BBS2: variants seen among roughly 807,000 people sequenced by gnomAD.
BBS2 encodes Bardet-Biedl syndrome 2, also known as BBSome complex member BBS2.
BBS2 carries 62 observed loss-of-function variants against 83.0 expected under a neutral mutation model. That is an observed-to-expected ratio of 0.75 (90% CI 0.61 to 0.92). BBS2 has a LOEUF of 0.92. Ranked by LOEUF, BBS2 falls within the 40% of genes least tolerant of loss-of-function variation. The pLI is 0.00. For synonymous variants in BBS2, 303 were observed against 326.1 expected, an observed-to-expected ratio of 0.93 and a Z score of 0.76; for missense variants, 784 against 901.0, an observed-to-expected ratio of 0.87 and a Z score of 1.66.
At chr16:56,473,844 T>C (rs539596792) in intron 17 of BBS2, among the ~76,000 whole-genome samples, 14 of 152,200 alleles carry the variant, frequency 9.2e-5, no homozygotes, top group African/African-American at 3.4e-4. Flanking sequence ...TCTCGCTCTG[T>C]CACCCAGGCT....
intron 5 of BBS2, among the ~76,000 whole-genome samples, chr16:56,508,423 C>G (rs1964483677): frequency 6.6e-6 from 1 of 152,188 alleles, no homozygotes; most frequent in African/African-American, 2.4e-5. Context: ...TGGTTTCTTT[C>G]TGTCCACTTA....
At chr16:56,500,081 T>G in intron 11 of BBS2, 174 bp from the exon 12 acceptor site, 4 of 686,236 alleles carry the variant, frequency 5.8e-6, no homozygotes, top group Non-Finnish European at 9.9e-6. Context: ...TATATTAGGT[T>G]TGGGATTTAA....
chr16:56,502,828 T>C lies in BBS2; in HGVS notation c.805-20A>G, dbSNP rs41280892. On this transcript the variant is annotated intron_variant, in intron 7 of 16. Transcript: ENST00000245157. ...ATCAACCTACAAATAAAACACAAAT[T>C]TAAAAGTTGCTTATGCTACATGTTT... The C allele has an allele frequency of 5.7e-3, 9,132 of 1,613,894 alleles. 45 individuals are homozygous for C. Among genetic ancestry groups the C allele is most frequent in the Non-Finnish European group, 6.2e-3 (7,329 of 1,179,916 alleles).
At chr16:56,494,785 A>G (rs2144123603) in intron 15 of BBS2, among the ~76,000 whole-genome samples, 1 of 152,124 alleles carries the variant, frequency 6.6e-6, no homozygotes, top group East Asian at 1.9e-4. Flanking sequence ...ACACGGTGAA[A>G]CCCTGTCTCT....
chr16:56,501,503 A>G lies in BBS2; in HGVS notation c.1081-6T>C, dbSNP rs1463889061. On this transcript the variant is annotated splice_polypyrimidine_tract_variant and splice_region_variant and intron_variant, in intron 9 of 16. Transcript: ENST00000245157. ...AGTGGACTGGCCAATTCAGCCTGCA[A>G]AACACCCCACCCATTTCCTACTCAG... is the stretch of plus-strand genomic sequence containing the variant. The G allele has an allele frequency of 1.9e-6, 3 of 1,614,024 alleles. No homozygotes were observed. Among genetic ancestry groups the G allele is most frequent in the South Asian group, 2.2e-5 (2 of 91,084 alleles).
intron 17 of BBS2, chr16:56,475,943 A>T: frequency 9.1e-7 from 1 of 1,101,830 alleles, no homozygotes; most frequent in Non-Finnish European, 1.3e-6. Context: ...CTATCCCCAG[A>T]TTAAGTGCTT....
intron 11 of BBS2, 146 bp from the exon 12 acceptor site, chr16:56,500,053 G>T: frequency 2.3e-6 from 2 of 869,984 alleles, no homozygotes; most frequent in Non-Finnish European, 3.7e-6. Flanking sequence ...ACACTTGAGG[G>T]TTAAAGTACT....
chr16:56,500,275 T>G, intron 11 of BBS2: 1 of 259,176 alleles, frequency 3.9e-6, no homozygotes, highest in Non-Finnish European at 7.5e-6. Flanking sequence ...AACTACAAAT[T>G]GACAAATCAT....
intron 2 of BBS2, among the ~76,000 whole-genome samples, chr16:56,513,009 G>A (rs953403835): frequency 6.6e-6 from 1 of 152,054 alleles, no homozygotes; most frequent in Non-Finnish European, 1.5e-5. Context: ...ACAATTAGCT[G>A]GGTGTGGTAG....
intron 17 of BBS2, chr16:56,476,222 T>G: frequency 6.3e-7 from 1 of 1,599,400 alleles, no homozygotes; most frequent in African/African-American, 1.4e-5. Flanking sequence ...TGGGCAAAGC[T>G]GAACAAAAAT....
intron 15 of BBS2, among the ~76,000 whole-genome samples, chr16:56,490,697 A>G (rs1205337235): frequency 6.6e-6 from 1 of 151,912 alleles, no homozygotes; most frequent in Admixed American, 6.6e-5. Context: ...ATGTAGTCAA[A>G]TTTTCTTATA....
chr16:56,508,398 A>G (rs2144171135), intron 5 of BBS2, among the ~76,000 whole-genome samples: 2 of 152,228 alleles, frequency 1.3e-5, no homozygotes, highest in East Asian at 3.9e-4. Context: ...TCTGATCTCT[A>G]AGACTCTCTT....
At chr16:56,500,642 AAG>A in intron 11 of BBS2, 7 of 543,830 alleles carry the variant, frequency 1.3e-5, no homozygotes, top group South Asian at 4.4e-5. Context: ...AAAAAAAAAA[AAG>A]AACCATCTTA....
chr16:56,510,092 T>C, intron 4 of BBS2, 58 bp from the exon 5 acceptor site: 1 of 1,527,092 alleles, frequency 6.5e-7, no homozygotes. Context: ...AAAATTTCTG[T>C]AAACAAAACA....
chr16:56,484,982 T>C lies in BBS2; in HGVS notation c.2060-115A>G, dbSNP rs1352043448. 4 of 797,284 alleles carry C rather than the reference T, an allele frequency of 5.0e-6. No individual in the cohort carries two copies. In the African/African-American group the frequency reaches 6.8e-5, roughly 14 times the overall value. 49.4% of individuals were successfully genotyped at this position (797,284 alleles called of 1,614,324 possible). ...AGGGAAAAGAGTTATACTTGAAATATGATTTATCTTACCATTCCCTAAAAA... is the reference window on the plus strand; with the variant it reads ...AGGGAAAAGAGTTATACTTGAAATACGATTTATCTTACCATTCCCTAAAAA... On this transcript the variant is annotated intron_variant, in intron 16 of 16. Coordinates refer to ENST00000245157, the MANE Select transcript of BBS2 (RefSeq NM_031885.5).
At chr16:56,500,073 T>C (rs1242164374) in intron 11 of BBS2, 166 bp from the exon 12 acceptor site, 11 of 720,472 alleles carry the variant, frequency 1.5e-5, no homozygotes, top group Middle Eastern at 3.7e-4. Context: ...TACAGTAATA[T>C]ATTAGGTTTG....
rs781207333 is a variant in BBS2, at chr16:56,502,734, T to C, written c.879A>G (p.Val293=). The change falls in exon 8 of 17, where the codon GTA becomes GTG. Residue 293 remains valine, a synonymous_variant. Transcript: ENST00000245157. ...DNFSSAIAGV[V]EGDYRMDGHI... ...GGCCATCCATCCGGTAATCTCCCTC[T>C]ACCACACCGGCAATTGCAGAAGAAA... 2 of 1,614,094 alleles carry C rather than the reference T, an allele frequency of 1.2e-6. No individual in the cohort carries two copies. Among genetic ancestry groups the C allele is most frequent in the African/African-American group, 1.3e-5 (1 of 74,924 alleles).
chr16:56,497,250 CT>C, intron 14 of BBS2, 171 bp from the exon 15 acceptor site: 1 of 654,558 alleles, frequency 1.5e-6, no homozygotes, highest in South Asian at 1.7e-5. Flanking sequence ...GTTAACTCAT[CT>C]GTGCTGCCTC....
intron 1 of BBS2, among the ~76,000 whole-genome samples, chr16:56,515,068 T>A (rs1296722732): frequency 1.3e-5 from 2 of 152,162 alleles, no homozygotes; most frequent in Non-Finnish European, 2.9e-5. Context: ...GAAAACAGAA[T>A]AAACACTTCC....
Sources: allele counts gnomAD v4.1 joint callset (sites outside exome capture counted in the v4.1 genomes callset), GRCh38; gene constraint gnomAD v4.1.1; transcripts MANE v1.5; gene names NCBI Gene and HGNC (gene_info 2026-07-23, HGNC 2026-07-21).